The following CNKSR3 variants were observed in gnomAD, a reference collection of about 807,000 sequenced individuals.
CNKSR3 encodes the protein CNKSR family member 3.
CNKSR3 carries 36 observed loss-of-function variants against 67.7 expected under a neutral mutation model. The ratio of observed to expected loss-of-function variants is 0.53; its 90% CI spans 0.41 to 0.70. CNKSR3 has a LOEUF of 0.70. Ranked by LOEUF, CNKSR3 falls within the 30% of genes least tolerant of loss-of-function variation. The pLI is 0.00. For synonymous variants in CNKSR3, 281 were observed against 271.4 expected (o/e 1.04, Z -0.35); for missense variants, 630 against 695.2 (o/e 0.91, Z 1.05).
intron 2 of CNKSR3, among the ~76,000 whole-genome samples, chr6:154,448,144 C>T (rs1785745657): frequency 6.6e-6 from 1 of 151,988 alleles, no homozygotes; most frequent in Non-Finnish European, 1.5e-5. Flanking sequence ...TAGGTTCTGG[C>T]ATTTGTCCAG....
At chr6:154,495,156 A>G (rs1258005111) in intron 1 of CNKSR3, among the ~76,000 whole-genome samples, 2 of 152,126 alleles carry the variant, frequency 1.3e-5, no homozygotes. Flanking sequence ...TGATATTTGC[A>G]CCTCATTACA....
rs1784590710 is a variant in CNKSR3, at chr6:154,390,240, A to C, written c.*16114T>G. On this transcript the variant is annotated 3_prime_UTR_variant, in exon 13 of 13. Transcript: ENST00000607772. ...CCTTAGCCCCAGCCTGTGCCTGACC[A>C]ACTCACCTAGGCTACCAAGTTCCCT... 2 of 152,166 alleles carry C rather than the reference A, an allele frequency of 1.3e-5. No homozygotes were observed. Among genetic ancestry groups the C allele is most frequent in the Non-Finnish European group, 2.9e-5 (2 of 68,086 alleles). 9.4% of individuals were successfully genotyped at this position (152,166 alleles called of 1,614,324 possible). A position where few individuals can be genotyped will look rare whatever the true frequency, so the allele number is the denominator to read the frequency against.
At chr6:154,461,361 T>C (rs539061659) in intron 1 of CNKSR3, among the ~76,000 whole-genome samples, 1 of 152,220 alleles carries the variant, frequency 6.6e-6, no homozygotes, top group Non-Finnish European at 1.5e-5. Context: ...GTACTTACTA[T>C]GTTTTTGGCA....
intron 1 of CNKSR3, among the ~76,000 whole-genome samples, chr6:154,451,498 T>G (rs62432707): frequency 4.2e-4 from 6 of 14,328 alleles, no homozygotes; most frequent in African/African-American, 2.7e-3. Flanking sequence ...CACACACGCA[T>G]ACATGCACAC....
chr6:154,450,443 GC>G (rs1785804416), intron 1 of CNKSR3, among the ~76,000 whole-genome samples, 185 bp from the exon 2 acceptor site: 1 of 152,128 alleles, frequency 6.6e-6, no homozygotes, highest in Admixed American at 6.5e-5. Flanking sequence ...GTTTTCAAGG[GC>G]AGCTTAACAT....
intron 1 of CNKSR3, among the ~76,000 whole-genome samples, chr6:154,477,111 AC>A (rs1204357478): frequency 6.6e-6 from 1 of 152,176 alleles, no homozygotes; most frequent in Non-Finnish European, 1.5e-5. Flanking sequence ...CAATTTAAGG[AC>A]CTAAAAAAAC....
At chr6:154,507,313 A>C (rs998653848) in intron 1 of CNKSR3, among the ~76,000 whole-genome samples, 1 of 152,214 alleles carries the variant, frequency 6.6e-6, no homozygotes, top group African/African-American at 2.4e-5. Context: ...CCAGCTGTCG[A>C]CTGTGGCCAG....
Position 154,406,122 on chromosome 6 carries a change from C to T in CNKSR3, c.*232G>A, listed in dbSNP as rs1360327607. The T allele has an allele frequency of 4.5e-5, 24 of 536,382 alleles. No individual in the cohort carries two copies. Among genetic ancestry groups the T allele is most frequent in the Non-Finnish European group, 7.3e-5 (22 of 301,662 alleles). 33.2% of individuals were successfully genotyped at this position (536,382 alleles called of 1,614,324 possible). On this transcript the variant is annotated 3_prime_UTR_variant, in exon 13 of 13. Coordinates refer to ENST00000607772, the MANE Select transcript of CNKSR3 (RefSeq NM_173515.4). Reference sequence around the variant, plus strand: ...TCTCTGGGGAAGCAAGACAAACAGGCTCTACCCATTTCCCTCCTTTTGTCT... The same window carrying T: ...TCTCTGGGGAAGCAAGACAAACAGGTTCTACCCATTTCCCTCCTTTTGTCT...
At chr6:154,489,583 C>T (rs991009083) in intron 1 of CNKSR3, among the ~76,000 whole-genome samples, 20 of 151,936 alleles carry the variant, frequency 1.3e-4, no homozygotes, top group South Asian at 2.1e-4. Flanking sequence ...TGTATATTAG[C>T]GTATGGGTAT....
intron 1 of CNKSR3, among the ~76,000 whole-genome samples, chr6:154,488,493 T>A (rs542786769): frequency 6.6e-6 from 1 of 152,348 alleles, no homozygotes; most frequent in East Asian, 1.9e-4. Context: ...ACATTACATA[T>A]CAAGTTAAAG....
In CNKSR3 at chr6:154,403,282, C is replaced by T. The variant is rs1432676158; in HGVS notation, c.*3072G>A. 3 of 152,044 alleles carry T rather than the reference C, an allele frequency of 2.0e-5. No individual in the cohort carries two copies. Among genetic ancestry groups the T allele is most frequent in the Non-Finnish European group, 4.4e-5 (3 of 68,038 alleles). 9.4% of individuals were successfully genotyped at this position (152,044 alleles called of 1,614,324 possible). A position where few individuals can be genotyped will look rare whatever the true frequency, so the allele number is the denominator to read the frequency against. The stretch of plus-strand genomic sequence containing the variant: ...AATTAGCCAGGTGTGGTGGCGGGCA[C>T]CTGTAATCCCAGCTACTTGGGAGGC... On this transcript the variant is annotated 3_prime_UTR_variant, in exon 13 of 13. Transcript: ENST00000607772.
chr6:154,507,033 T>A (rs1787117807), intron 1 of CNKSR3, among the ~76,000 whole-genome samples: 1 of 152,206 alleles, frequency 6.6e-6, no homozygotes, highest in African/African-American at 2.4e-5. Flanking sequence ...GGTCAATCTG[T>A]GTGTGACTCG....
intron 9 of CNKSR3, among the ~76,000 whole-genome samples, chr6:154,419,021 T>C (rs1014482465): frequency 1.4e-5 from 2 of 148,118 alleles, no homozygotes; most frequent in Admixed American, 6.7e-5. Flanking sequence ...TGAATTGACA[T>C]TACTCTCTTG....
intron 1 of CNKSR3, among the ~76,000 whole-genome samples, chr6:154,497,329 T>C (rs1250888446): frequency 6.6e-6 from 1 of 152,106 alleles, no homozygotes; most frequent in African/African-American, 2.4e-5. Flanking sequence ...AGGTCAAAGC[T>C]GCAGTGAGCC....
At chr6:154,459,402 G>A (rs1402126341) in intron 1 of CNKSR3, among the ~76,000 whole-genome samples, 1 of 151,968 alleles carries the variant, frequency 6.6e-6, no homozygotes, top group Non-Finnish European at 1.5e-5. Flanking sequence ...TGATTTTGAG[G>A]ATAAGGGACA....
In CNKSR3 at chr6:154,406,568, G is replaced by T. The variant is rs1191115337; in HGVS notation, c.1454C>A (p.Ser485Tyr). 2.5e-6 allele frequency: 4 copies of T among 1,614,114 alleles called. No homozygotes were observed. In the African/African-American group the frequency reaches 5.3e-5, roughly 22 times the overall value. ...EESSSPPYRF[S>Y]RPTTERHLVR... ...CAGATGCCGCTCGGTCGTGGGTCTG[G>T]AGAACCGGTATGGGGGAGAGGAGCT... Residue 485 changes from serine (S) to tyrosine (Y), a missense_variant, in exon 13 of 13, where the codon TCC (serine) becomes TAC (tyrosine). Coordinates refer to ENST00000607772, the MANE Select transcript of CNKSR3 (RefSeq NM_173515.4).
chr6:154,440,204 G>A (rs1285432349), intron 4 of CNKSR3, among the ~76,000 whole-genome samples: 5 of 152,184 alleles, frequency 3.3e-5, no homozygotes, highest in African/African-American at 2.4e-5. Flanking sequence ...CAACTGCCAC[G>A]TGCAGAGACA....
rs1050600938 is a variant in CNKSR3 at position 154,408,033 on chromosome 6, C to T, written c.1370-1381G>A. Among the ~76,000 whole-genome samples, 15 of 151,896 alleles carry T rather than the reference C, an allele frequency of 9.9e-5. No homozygotes were observed. In the East Asian group the frequency reaches 2.7e-3, roughly 28 times the overall value. On this transcript the variant is annotated intron_variant, in intron 12 of 12. Transcript: ENST00000607772. ...TAGTATTATTGAATATTTACTTCTC[C>T]CCTTTTTTTGAGACGGAGTCTCACT... is the stretch of plus-strand genomic sequence containing the variant.
chr6:154,451,061 T>A (rs1261303432), intron 1 of CNKSR3, among the ~76,000 whole-genome samples: 2 of 152,212 alleles, frequency 1.3e-5, no homozygotes, highest in African/African-American at 4.8e-5. Flanking sequence ...ACTGAAAAAG[T>A]TCTTATAAAT....
Sources: gnomAD v4.1 joint callset for allele counts (sites outside exome capture counted in the v4.1 genomes callset) on GRCh38, gnomAD v4.1.1 for gene constraint, MANE v1.5 for transcripts, NCBI Gene and HGNC (gene_info 2026-07-23, HGNC 2026-07-21) for gene names.